MARCHF2: variants seen among roughly 807,000 people sequenced by gnomAD.
The protein encoded by MARCHF2 is E3 ubiquitin-protein ligase MARCHF2.
A neutral mutation model predicts 24.0 loss-of-function variants in MARCHF2; 22 were observed. That is an observed-to-expected ratio of 0.92 (90% CI 0.66 to 1.31). MARCHF2 has a LOEUF of 1.31. MARCHF2 is among the 50% of genes most tolerant of loss of function. The probability of loss-of-function intolerance (pLI) is 0.00; values close to 1 mark genes in which losing one functional copy is unlikely to be tolerated. For synonymous variants in MARCHF2, 154 were observed against 153.0 expected (o/e 1.01, Z -0.05); for missense variants, 301 against 335.3 (o/e 0.90, Z 0.80).
In MARCHF2 at chr19:8,430,893, G is replaced by A. The variant is rs1340958713; in HGVS notation, c.582+26G>A. 3.9e-6 allele frequency: 6 copies of A among 1,544,198 alleles called. No individual in the cohort carries two copies. In the African/African-American group the frequency reaches 4.1e-5, roughly 10 times the overall value. ...GTGAGTGGCTGTGGTTGTGCAGCACGCGTCTCGAGCTCTGCCGCTGGGAGC... is the reference window on the plus strand; with the variant it reads ...GTGAGTGGCTGTGGTTGTGCAGCACACGTCTCGAGCTCTGCCGCTGGGAGC... On this transcript the variant is annotated intron_variant, in intron 4 of 4. Transcript: ENST00000215555. The surrounding 1 kb of genome is among the most constrained non-coding windows in gnomAD (Gnocchi z 4.4).
intron 3 of MARCHF2, among the ~76,000 whole-genome samples, chr19:8,428,663 A>AAAAAC (rs1967484917): frequency 6.9e-6 from 1 of 145,468 alleles, no homozygotes; most frequent in African/African-American, 2.6e-5. Context: ...AAAAAAAAAA[A>AAAAAC]AAAAAAAAAA....
rs533772737 is a variant in MARCHF2 at position 8,416,538 on chromosome 19, A to G, written c.-53+3118A>G. Among the ~76,000 whole-genome samples the G allele has an allele frequency of 2.0e-3, 309 of 152,184 alleles. 1 individual carries two copies. Among genetic ancestry groups the G allele is most frequent in the Non-Finnish European group, 3.5e-3 (241 of 68,004 alleles). On this transcript the variant is annotated intron_variant, in intron 1 of 4. Coordinates refer to ENST00000215555, the MANE Select transcript of MARCHF2 (RefSeq NM_001005415.2). ...AGTAGAATGTTTCAGACAGGGACAC[A>G]TGCCACGAGTGGAATCAAGTGGACC... is the stretch of plus-strand genomic sequence containing the variant.
chr19:8,424,344 C>T (rs1465510222), intron 2 of MARCHF2, among the ~76,000 whole-genome samples: 1 of 151,836 alleles, frequency 6.6e-6, no homozygotes, highest in African/African-American at 2.4e-5. Flanking sequence ...GTGATTAGAT[C>T]CAGGGGCCCG....
At chr19:8,422,138 G>T in intron 2 of MARCHF2, 122 bp downstream of exon 2, 1 of 1,025,024 alleles carries the variant, frequency 9.8e-7, no homozygotes. Flanking sequence ...GGTAAATAGA[G>T]AAAGAGACAC....
intron 1 of MARCHF2, among the ~76,000 whole-genome samples, chr19:8,414,556 G>C (rs1329270330): frequency 1.3e-5 from 2 of 152,152 alleles, no homozygotes; most frequent in Non-Finnish European, 2.9e-5. Context: ...GGGATTACAG[G>C]CGTGAGCCAC....
At chr19:8,414,010 G>A (rs1967015780) in intron 1 of MARCHF2, among the ~76,000 whole-genome samples, 1 of 152,102 alleles carries the variant, frequency 6.6e-6, no homozygotes, top group African/African-American at 2.4e-5. Context: ...CTTGCCCAGG[G>A]CCACACAGCA....
intron 3 of MARCHF2, among the ~76,000 whole-genome samples, chr19:8,428,681 A>C (rs1045274555): frequency 1.4e-5 from 2 of 146,650 alleles, no homozygotes; most frequent in Non-Finnish European, 3.0e-5. Context: ...AAAAAAAAAA[A>C]AACCAAGGCT....
At chr19:8,419,680 G>T (rs1483896639) in intron 1 of MARCHF2, among the ~76,000 whole-genome samples, 6 of 147,140 alleles carry the variant, frequency 4.1e-5, no homozygotes, top group African/African-American at 1.5e-4. Context: ...GCCGGGCGTG[G>T]TGGCGGGCGC....
At chr19:8,427,219 C>T (rs1334275873) in intron 3 of MARCHF2, among the ~76,000 whole-genome samples, 2 of 151,790 alleles carry the variant, frequency 1.3e-5, no homozygotes, top group Non-Finnish European at 2.9e-5. Flanking sequence ...AGCTAATTTT[C>T]TGTATTTTTA....
At chr19:8,418,723 T>A (rs1049914751) in intron 1 of MARCHF2, 8 of 151,860 alleles carry the variant, frequency 5.3e-5, no homozygotes, top group African/African-American at 1.9e-4. Flanking sequence ...AGAGATAGGG[T>A]CTCTCTATGT....
At position 8,415,745 on chromosome 19, in the gene MARCHF2, A is replaced by AAAAAAAC. The variant is rs1967068780; in HGVS notation, c.-53+2331_-53+2332insCAAAAAA. Among the ~76,000 whole-genome samples, 24 of 53,998 alleles carry AAAAAAAC rather than the reference A, an allele frequency of 4.4e-4. 1 individual carries two copies. Among genetic ancestry groups the AAAAAAAC allele is most frequent in the African/African-American group, 7.5e-4 (13 of 17,418 alleles). The allele number at this position is 53,998 out of a possible 152,430, so 35.4% of individuals were successfully genotyped here. Reference sequence around the variant, plus strand: ...TCAAAAAAAAAAAAACAAAAAAAACAAAAAAAAAAACCAGACAAAAGAAAG... The same window carrying AAAAAAAC: ...TCAAAAAAAAAAAAACAAAAAAAACAAAAAAACAAAAAAAAAACCAGACAAAAGAAAG... On this transcript the variant is annotated intron_variant, in intron 1 of 4. Coordinates refer to ENST00000215555, the MANE Select transcript of MARCHF2 (RefSeq NM_001005415.2).
At position 8,438,358 on chromosome 19, in the gene MARCHF2, G is replaced by C. The variant is rs756447669; in HGVS notation, c.583-30G>C. 6 of 1,609,164 alleles carry C rather than the reference G, an allele frequency of 3.7e-6. No homozygotes were observed. In the Admixed American group the frequency reaches 6.7e-5, roughly 18 times the overall value. ...TTGTTTTCCTCCCTTGCGGGTGGAG[G>C]CCTCCGCTCACTGCAGGGCTGCCCC... On this transcript the variant is annotated intron_variant, in intron 4 of 4. Transcript: ENST00000215555.
At chr19:8,424,151 C>CT (rs1293956836) in intron 2 of MARCHF2, among the ~76,000 whole-genome samples, 1 of 152,176 alleles carries the variant, frequency 6.6e-6, no homozygotes, top group Non-Finnish European at 1.5e-5. Flanking sequence ...GCCACGCCCC[C>CT]TGCCTCCTGA....
At chr19:8,419,111 A>C in intron 1 of MARCHF2, among the ~76,000 whole-genome samples, 1 of 152,126 alleles carries the variant, frequency 6.6e-6, no homozygotes, top group East Asian at 1.9e-4. Context: ...CTGTAATCCC[A>C]GCACTTTGGG....
At chr19:8,421,172 G>C (rs1455143863) in intron 1 of MARCHF2, among the ~76,000 whole-genome samples, 1 of 150,468 alleles carries the variant, frequency 6.6e-6, no homozygotes, top group Non-Finnish European at 1.5e-5. Flanking sequence ...GCCCAGGCTG[G>C]AGTGCAGTGG....
At chr19:8,415,673 GTGGTGCC>G (rs1967057987) in intron 1 of MARCHF2, among the ~76,000 whole-genome samples, 1 of 142,054 alleles carries the variant, frequency 7.0e-6, no homozygotes, top group Non-Finnish European at 1.5e-5. Context: ...GAGAACCGAG[GTGGTGCC>G]ATTGCTCTCC....
intron 2 of MARCHF2, among the ~76,000 whole-genome samples, chr19:8,425,332 G>A (rs1967368257): frequency 6.6e-6 from 1 of 151,766 alleles, no homozygotes; most frequent in African/African-American, 2.4e-5. Flanking sequence ...CCTGGGAGGT[G>A]GAGGTTGCAG....
chr19:8,431,497 CAA>C (rs60782968), intron 4 of MARCHF2, among the ~76,000 whole-genome samples: 7 of 57,494 alleles, frequency 1.2e-4, no homozygotes, highest in African/African-American at 3.7e-4. Context: ...AACTCGATCT[CAA>C]AAAAAAAAAA....
intron 4 of MARCHF2, among the ~76,000 whole-genome samples, chr19:8,431,918 A>C (rs1219622391): frequency 6.6e-6 from 1 of 152,098 alleles, no homozygotes; most frequent in African/African-American, 2.4e-5. Flanking sequence ...ATACTTTGGG[A>C]GGCTGAGGCA....
Sources: allele counts gnomAD v4.1 joint callset (sites outside exome capture counted in the v4.1 genomes callset), GRCh38; gene constraint gnomAD v4.1.1; non-coding constraint Gnocchi (gnomAD v3.1); transcripts MANE v1.5; gene names NCBI Gene and HGNC (gene_info 2026-07-23, HGNC 2026-07-21).